Variants in THEMIS observed in about 807,000 individuals in gnomAD.
THEMIS encodes the protein protein THEMIS.
A neutral mutation model predicts 52.6 loss-of-function variants in THEMIS; 37 were observed. The ratio of observed to expected loss-of-function variants is 0.70; its 90% CI spans 0.54 to 0.93. The LOEUF is 0.93. THEMIS is among the 40% of genes least tolerant of loss of function. The probability of loss-of-function intolerance (pLI) is 0.00; values close to 1 mark genes in which losing one functional copy is unlikely to be tolerated. For missense variants in THEMIS, 808 were observed against 763.1 expected (o/e 1.06, Z -0.69); for synonymous variants, 292 against 272.7 (o/e 1.07, Z -0.70).
At chr6:127,703,035 G>GTTTTTTTTTTTTTTTTTTTTTTTTTTTT in the THEMIS span, among the ~76,000 whole-genome samples, 4 of 82,352 alleles carry the variant, frequency 4.9e-5, 1 homozygote, top group Non-Finnish European at 6.3e-5. Flanking sequence ...TTTAGAATGA[G>GTTTTTTTTTTTTTTTTTTTTTTTTTTTT]TTTTTTTTTT....
chr6:127,819,045 G>A (rs1186546456), intron 3 of THEMIS, among the ~76,000 whole-genome samples: 3 of 138,026 alleles, frequency 2.2e-5, no homozygotes, highest in South Asian at 2.5e-4. Flanking sequence ...GCCTGAACCC[G>A]GGAGGTGGAG....
At chr6:127,797,471 C>G (rs1777368542) in intron 4 of THEMIS, among the ~76,000 whole-genome samples, 1 of 152,182 alleles carries the variant, frequency 6.6e-6, no homozygotes, top group African/African-American at 2.4e-5. Flanking sequence ...CTGCTATTGA[C>G]ATAAGTGCAG....
At chr6:127,751,510 A>G (rs187890304) in intron 4 of THEMIS, among the ~76,000 whole-genome samples, 2 of 151,862 alleles carry the variant, frequency 1.3e-5, no homozygotes, top group African/African-American at 4.8e-5. Context: ...ACAGTAACCA[A>G]AAGAATGTAG....
intron 4 of THEMIS, among the ~76,000 whole-genome samples, chr6:127,748,527 T>A (rs1775526939): frequency 6.6e-6 from 1 of 152,042 alleles, no homozygotes; most frequent in Admixed American, 6.6e-5. Flanking sequence ...CTTAATGACC[T>A]AATCACCTCT....
intron 4 of THEMIS, among the ~76,000 whole-genome samples, chr6:127,747,710 T>C (rs1243715722): frequency 6.6e-6 from 1 of 152,000 alleles, no homozygotes; most frequent in Non-Finnish European, 1.5e-5. Context: ...AGTGGGATAA[T>C]ATGTAATGTT....
intron 4 of THEMIS, among the ~76,000 whole-genome samples, chr6:127,725,771 C>T (rs1423277108): frequency 1.3e-5 from 2 of 152,100 alleles, no homozygotes; most frequent in East Asian, 1.9e-4. Flanking sequence ...CAAAGAGATG[C>T]TTCTGAGCTT....
At chr6:127,837,465 A>G (rs1200900602) in intron 2 of THEMIS, among the ~76,000 whole-genome samples, 3 of 152,182 alleles carry the variant, frequency 2.0e-5, no homozygotes, top group South Asian at 2.1e-4. Flanking sequence ...CCTCTGAAGA[A>G]TTTTGTAAGA....
chr6:127,710,168 A>G (rs79244920), intron 5 of THEMIS, 152 bp from the exon 6 acceptor site: 2 of 458,228 alleles, frequency 4.4e-6, no homozygotes, highest in South Asian at 3.2e-5. Context: ...AAAATAAAGA[A>G]AAAAAAAAAA....
chr6:127,816,316 C>CT (rs1778133219), intron 3 of THEMIS, among the ~76,000 whole-genome samples: 1 of 152,108 alleles, frequency 6.6e-6, no homozygotes, highest in Admixed American at 6.5e-5. Context: ...GGTCTCATGT[C>CT]TTTAAATATC....
At chr6:127,740,159 GA>G (rs1207618605) in intron 4 of THEMIS, among the ~76,000 whole-genome samples, 1 of 152,184 alleles carries the variant, frequency 6.6e-6, no homozygotes, top group African/African-American at 2.4e-5. Context: ...GTGGCAACAG[GA>G]ACCTAATTGA....
intron 1 of THEMIS, 73 bp downstream of exon 1, chr6:127,900,769 C>A: frequency 1.5e-6 from 2 of 1,292,536 alleles, no homozygotes; most frequent in Admixed American, 1.8e-5. Flanking sequence ...GTTAAAATTC[C>A]CCCCCTCCAA....
chr6:127,696,790 T>C, the THEMIS span, among the ~76,000 whole-genome samples: 1 of 152,156 alleles, frequency 6.6e-6, no homozygotes, highest in African/African-American at 2.4e-5. Flanking sequence ...TCTCTGTCTT[T>C]ACATAGTCTT....
At chr6:127,865,557 G>A (rs1326170072) in intron 1 of THEMIS, among the ~76,000 whole-genome samples, 1 of 152,060 alleles carries the variant, frequency 6.6e-6, no homozygotes, top group African/African-American at 2.4e-5. Flanking sequence ...GACATTTTGG[G>A]AATTATCTGA....
At chr6:127,795,723 T>G (rs1254523097) in intron 4 of THEMIS, among the ~76,000 whole-genome samples, 2 of 152,174 alleles carry the variant, frequency 1.3e-5, no homozygotes, top group African/African-American at 2.4e-5. Flanking sequence ...AGAAAAAGAT[T>G]AATACTAAGA....
chr6:127,754,467 G>A (rs1775752622), intron 4 of THEMIS, among the ~76,000 whole-genome samples: 1 of 152,168 alleles, frequency 6.6e-6, no homozygotes, highest in South Asian at 2.1e-4. Context: ...TGGCATGACA[G>A]TTTTGTCCAT....
At chr6:127,792,719 G>T (rs946770250) in intron 4 of THEMIS, among the ~76,000 whole-genome samples, 2 of 152,144 alleles carry the variant, frequency 1.3e-5, no homozygotes, top group Non-Finnish European at 2.9e-5. Context: ...TCGAGATTTA[G>T]TTTTCATAAT....
chr6:127,834,352 A>C (rs573052241), intron 2 of THEMIS, among the ~76,000 whole-genome samples: 1 of 149,994 alleles, frequency 6.7e-6, no homozygotes, highest in African/African-American at 2.5e-5. Flanking sequence ...GGGACAAATC[A>C]TTTGAGGTCA....
intron 4 of THEMIS, among the ~76,000 whole-genome samples, chr6:127,741,202 G>T (rs76598708): frequency 6.6e-6 from 1 of 152,124 alleles, no homozygotes; most frequent in Non-Finnish European, 1.5e-5. Context: ...AAACCTATGC[G>T]TAAGCTTACC....
At chr6:127,763,106 T>C (rs896577967) in intron 4 of THEMIS, among the ~76,000 whole-genome samples, 17 of 151,986 alleles carry the variant, frequency 1.1e-4, no homozygotes, top group Non-Finnish European at 2.1e-4. Context: ...CTCTTACCTA[T>C]TAGCTTGAGA....
Sources: allele counts gnomAD v4.1 joint callset (sites outside exome capture counted in the v4.1 genomes callset), GRCh38; gene constraint gnomAD v4.1.1; transcripts MANE v1.5; gene names NCBI Gene and HGNC (gene_info 2026-07-23, HGNC 2026-07-21).